Variants in GMDS observed in about 807,000 individuals in gnomAD.
GMDS encodes the protein GDP-mannose 4,6-dehydratase.
Under a neutral mutation model 49.9 loss-of-function variants are expected in GMDS, and 20 were observed. That is an observed-to-expected ratio of 0.40 (90% CI 0.28 to 0.58). The LOEUF is 0.58. Among genes scored for constraint, GMDS ranks in the 20% least tolerant of loss-of-function variants. The probability of loss-of-function intolerance (pLI) is 0.42; values close to 1 mark genes in which losing one functional copy is unlikely to be tolerated. For synonymous variants in GMDS, 177 were observed against 178.6 expected (o/e 0.99, Z 0.07); for missense variants, 362 against 481.4 (o/e 0.75, Z 2.32).
chr6:2,226,362 T>C (rs1002941207), intron 1 of GMDS, among the ~76,000 whole-genome samples: 1 of 152,194 alleles, frequency 6.6e-6, no homozygotes, highest in African/African-American at 2.4e-5. Flanking sequence ...TGATTGCTGT[T>C]CCCATCTAAG....
intron 4 of GMDS, among the ~76,000 whole-genome samples, chr6:2,037,398 T>G (rs6910252): frequency 0.71 from 108,245 of 152,018 alleles, 38,748 homozygotes; most frequent in African/African-American, 0.75. Flanking sequence ...CACACTGCAG[T>G]TCCCTCACTA....
At chr6:1,760,620 C>T (rs1002638583) in intron 7 of GMDS, among the ~76,000 whole-genome samples, 4 of 152,178 alleles carry the variant, frequency 2.6e-5, no homozygotes, top group Non-Finnish European at 5.9e-5. Flanking sequence ...GGACATGCAC[C>T]GTCTTTGTAA....
chr6:1,863,734 T>G (rs890724432), intron 7 of GMDS, among the ~76,000 whole-genome samples: 1 of 152,152 alleles, frequency 6.6e-6, no homozygotes, highest in Non-Finnish European at 1.5e-5. Context: ...GTCTGAAGAG[T>G]ATAGTAGTTT....
At chr6:2,008,275 G>A (rs1419312816) in intron 4 of GMDS, among the ~76,000 whole-genome samples, 1 of 152,148 alleles carries the variant, frequency 6.6e-6, no homozygotes, top group Non-Finnish European at 1.5e-5. Flanking sequence ...CGTTTTAAAT[G>A]TAAAATTTCT....
At chr6:2,195,253 T>C (rs1261032828) in intron 1 of GMDS, among the ~76,000 whole-genome samples, 2 of 152,224 alleles carry the variant, frequency 1.3e-5, no homozygotes, top group Non-Finnish European at 1.5e-5. Context: ...GTTCAAAAAT[T>C]CTGAAGCAAA....
At chr6:1,982,633 C>CA (rs750826366) in intron 4 of GMDS, among the ~76,000 whole-genome samples, 25 of 151,760 alleles carry the variant, frequency 1.6e-4, no homozygotes, top group South Asian at 4.2e-4. Flanking sequence ...ACAATTGCCA[C>CA]AAAAAAAATA....
intron 4 of GMDS, among the ~76,000 whole-genome samples, chr6:2,078,543 ATGT>A (rs1772481067): frequency 1.3e-5 from 2 of 152,206 alleles, no homozygotes; most frequent in East Asian, 1.9e-4. Context: ...ATTCAGGAAC[ATGT>A]TGTTTAATTC....
At chr6:1,653,136 G>A (rs552666236) in intron 9 of GMDS, among the ~76,000 whole-genome samples, 2 of 151,968 alleles carry the variant, frequency 1.3e-5, no homozygotes, top group Non-Finnish European at 1.5e-5. Flanking sequence ...CAAGGTGCCA[G>A]TGTCACTTCC....
At chr6:2,017,569 A>T (rs1196341767) in intron 4 of GMDS, among the ~76,000 whole-genome samples, 1 of 152,158 alleles carries the variant, frequency 6.6e-6, no homozygotes, top group Non-Finnish European at 1.5e-5. Context: ...TCAGTCTCCC[A>T]AAGTGCTGGA....
At chr6:1,693,947 G>C (rs1375762912) in intron 9 of GMDS, among the ~76,000 whole-genome samples, 1 of 152,138 alleles carries the variant, frequency 6.6e-6, no homozygotes, top group Non-Finnish European at 1.5e-5. Flanking sequence ...GGAACTTAGA[G>C]AGTCAAATAA....
At chr6:1,885,375 A>T (rs1223577023) in intron 7 of GMDS, among the ~76,000 whole-genome samples, 2 of 152,182 alleles carry the variant, frequency 1.3e-5, no homozygotes, top group East Asian at 1.9e-4. Context: ...TATCTTTATC[A>T]TATATCAAAT....
chr6:2,220,575 T>C (rs994865213), intron 1 of GMDS, among the ~76,000 whole-genome samples: 3 of 152,208 alleles, frequency 2.0e-5, no homozygotes, highest in African/African-American at 7.2e-5. Context: ...TAGAGTCACC[T>C]TCACTTTCTG....
intron 9 of GMDS, among the ~76,000 whole-genome samples, chr6:1,654,828 C>T (rs192005033): frequency 4.0e-4 from 61 of 152,128 alleles, no homozygotes; most frequent in African/African-American, 1.3e-3. Context: ...TTTGGGAGCT[C>T]GAGGTGGGCG....
intron 9 of GMDS, among the ~76,000 whole-genome samples, chr6:1,682,272 C>T (rs193086933): frequency 1.6e-4 from 24 of 152,232 alleles, no homozygotes; most frequent in Non-Finnish European, 3.1e-4. Flanking sequence ...ATCTATGTCC[C>T]AAAAGATAGG....
intron 1 of GMDS, among the ~76,000 whole-genome samples, chr6:2,241,151 C>T (rs1781597567): frequency 6.6e-6 from 1 of 152,162 alleles, no homozygotes; most frequent in African/African-American, 2.4e-5. Flanking sequence ...GCACAGCTGG[C>T]CTGGCACACC....
At chr6:1,832,512 C>G (rs1464358297) in intron 7 of GMDS, among the ~76,000 whole-genome samples, 1 of 151,944 alleles carries the variant, frequency 6.6e-6, no homozygotes, top group African/African-American at 2.4e-5. Context: ...CATGTAAATG[C>G]ACTGACAGCC....
At chr6:2,188,871 G>A (rs376556168) in intron 1 of GMDS, among the ~76,000 whole-genome samples, 1 of 152,152 alleles carries the variant, frequency 6.6e-6, no homozygotes, top group African/African-American at 2.4e-5. Context: ...ACAACAAGGT[G>A]GGCCCTGGAG....
intron 9 of GMDS, among the ~76,000 whole-genome samples, chr6:1,638,225 G>T (rs569838090): frequency 6.6e-6 from 1 of 152,170 alleles, no homozygotes; most frequent in Admixed American, 6.5e-5. Context: ...AAATGAGCAT[G>T]GTCTCTTCAT....
chr6:2,058,658 G>A (rs2127444543), intron 4 of GMDS, among the ~76,000 whole-genome samples: 1 of 152,296 alleles, frequency 6.6e-6, no homozygotes, highest in Non-Finnish European at 1.5e-5. Context: ...GTGTGGAATA[G>A]CAACCATCAA....
Sources: gnomAD v4.1 joint callset for allele counts (sites outside exome capture counted in the v4.1 genomes callset) on GRCh38, gnomAD v4.1.1 for gene constraint, MANE v1.5 for transcripts, NCBI Gene and HGNC (gene_info 2026-07-23, HGNC 2026-07-21) for gene names.